Variants in ZC3H8 observed in about 807,000 individuals in gnomAD.
The protein encoded by ZC3H8 is zinc finger CCCH domain-containing protein 8.
In ZC3H8, 27 loss-of-function variants were observed where a neutral mutation model predicts 42.5. The ratio of observed to expected loss-of-function variants is 0.64; its 90% CI spans 0.47 to 0.88. The LOEUF is 0.88. ZC3H8 is among the 40% of genes least tolerant of loss of function. ZC3H8 has a pLI of 0.00. For missense variants in ZC3H8, 277 were observed against 336.1 expected (o/e 0.82, Z 1.37); for synonymous variants, 101 against 110.1 (o/e 0.92, Z 0.52).
intron 4 of ZC3H8, among the ~76,000 whole-genome samples, chr2:112,235,500 C>G (rs1685280005): frequency 6.6e-6 from 1 of 152,166 alleles, no homozygotes; most frequent in Middle Eastern, 3.2e-3. Flanking sequence ...TCAGATTCCT[C>G]ATTCATAAAA....
At chr2:112,234,614 AAC>A (rs1685236358) in intron 4 of ZC3H8, among the ~76,000 whole-genome samples, 2 of 152,278 alleles carry the variant, frequency 1.3e-5, no homozygotes, top group Admixed American at 1.3e-4. Context: ...CAGCCTGGCC[AAC>A]ACAGTGAAAC....
intron 2 of ZC3H8, among the ~76,000 whole-genome samples, chr2:112,245,461 C>T (rs1247711455): frequency 1.3e-5 from 2 of 152,168 alleles, no homozygotes; most frequent in Non-Finnish European, 2.9e-5. Flanking sequence ...CAAGACCAGC[C>T]TAGCCAACAT....
Position 112,231,864 on chromosome 2 carries a change from G to C in ZC3H8, c.817C>G (p.Pro273Ala), listed in dbSNP as rs768598046. ...TTAGCCAACAATTCTTGTGTTTCAG[G>C]AGTCAGTGGAGCATGAGAAAACTTG... ...YCKFSHAPLTPETQELLAKVL... is the reference protein window; with the variant it reads ...YCKFSHAPLTAETQELLAKVL... Residue 273 changes from proline to alanine, a missense_variant, in exon 7 of 9, where the codon CCT (proline) becomes GCT (alanine). Pro to Ala is a conservative substitution (Grantham distance 27, BLOSUM62 -1). Transcript: ENST00000409573. The C allele has an allele frequency of 6.3e-7, 1 of 1,588,454 alleles. No individual in the cohort carries two copies. Among genetic ancestry groups the C allele is most frequent in the Non-Finnish European group, 8.6e-7 (1 of 1,164,448 alleles).
At chr2:112,246,612 C>T (rs374378816) in intron 2 of ZC3H8, among the ~76,000 whole-genome samples, 4 of 152,154 alleles carry the variant, frequency 2.6e-5, no homozygotes, top group East Asian at 1.9e-4. Flanking sequence ...AGAATGAAGA[C>T]GTGACTGAAT....
At position 112,254,896 on chromosome 2, in the gene ZC3H8, A is replaced by C. The variant is rs1319595836; in HGVS notation, c.74+12T>G. 1 of 1,613,044 alleles carries C rather than the reference A, an allele frequency of 6.2e-7. No individual in the cohort carries two copies. The highest frequency in any genetic ancestry group is 8.5e-7 in the Non-Finnish European group (1 of 1,179,508). Reference sequence around the variant, plus strand: ...GCCCCTGCATTCAAAAGATGAAAAGATATGGGATCACCTTTCGTCAGAGTC... The same window carrying C: ...GCCCCTGCATTCAAAAGATGAAAAGCTATGGGATCACCTTTCGTCAGAGTC... On this transcript the variant is annotated intron_variant, in intron 1 of 8. Coordinates refer to ENST00000409573, the MANE Select transcript of ZC3H8 (RefSeq NM_032494.3).
chr2:112,223,370 C>T (rs1684678420), intron 8 of ZC3H8, among the ~76,000 whole-genome samples: 1 of 151,774 alleles, frequency 6.6e-6, no homozygotes, highest in Admixed American at 6.6e-5. Context: ...TCTAGAAACA[C>T]ACAAACAATC....
chr2:112,225,444 C>T (rs1684779731), intron 8 of ZC3H8, among the ~76,000 whole-genome samples: 1 of 152,186 alleles, frequency 6.6e-6, no homozygotes, highest in African/African-American at 2.4e-5. Context: ...TGCTACTGCA[C>T]TCCAGCCTAG....
intron 2 of ZC3H8, among the ~76,000 whole-genome samples, chr2:112,247,569 A>G (rs1045502632): frequency 2.0e-5 from 3 of 152,106 alleles, no homozygotes; most frequent in Non-Finnish European, 2.9e-5. Flanking sequence ...ACAGAGTGAG[A>G]CTCTGTCTCA....
rs1188341901 is a variant in ZC3H8, at chr2:112,212,496, A to AT, written c.*3987dup. ...TAGGTTTGCTTCTTAGTTCACATTT[A>AT]TTAGTTTCCCTTTGGCTGCAGGTAG... On this transcript the variant is annotated 3_prime_UTR_variant, in exon 9 of 9. Coordinates refer to ENST00000409573, the MANE Select transcript of ZC3H8 (RefSeq NM_032494.3). The AT allele has an allele frequency of 6.6e-6, 1 of 152,218 alleles. No homozygotes were observed. The highest frequency in any genetic ancestry group is 1.5e-5 in the Non-Finnish European group (1 of 68,034). The allele number at this position is 152,218 out of a possible 1,614,324, so 9.4% of individuals were successfully genotyped here. A position where few individuals can be genotyped will look rare whatever the true frequency, so the allele number is the denominator to read the frequency against.
intron 7 of ZC3H8, among the ~76,000 whole-genome samples, chr2:112,231,333 T>C (rs756188784): frequency 2.8e-4 from 42 of 152,182 alleles, no homozygotes; most frequent in Admixed American, 1.3e-4. Context: ...TTAGATTAAA[T>C]TTTTAAGAGA....
intron 8 of ZC3H8, among the ~76,000 whole-genome samples, chr2:112,223,184 C>G (rs1275170643): frequency 2.0e-5 from 3 of 151,430 alleles, no homozygotes; most frequent in Non-Finnish European, 2.9e-5. Context: ...GTGCAGCACA[C>G]CAACATGGCA....
chr2:112,212,988 T>TTTTTTTTTTTTTTTTC lies in ZC3H8; in HGVS notation c.*3495_*3496insGAAAAAAAAAAAAAAA, dbSNP rs1553483034. On this transcript the variant is annotated 3_prime_UTR_variant, in exon 9 of 9. Coordinates refer to ENST00000409573, the MANE Select transcript of ZC3H8 (RefSeq NM_032494.3). ...TGCTTTTTTTTTTTTTTTTTTTTTT[T>TTTTTTTTTTTTTTTTC]ATAAGAGACAAGGCTCTGTTGCCCA... The TTTTTTTTTTTTTTTTC allele has an allele frequency of 8.7e-6, 1 of 115,568 alleles. No homozygotes were observed. The highest frequency in any genetic ancestry group is 2.6e-4 in the South Asian group (1 of 3,878). The allele number at this position is 115,568 out of a possible 1,614,324, so 7.2% of individuals were successfully genotyped here.
Position 112,250,211 on chromosome 2 carries a change from A to G in ZC3H8, c.136T>C (p.Cys46Arg). 6.4e-7 allele frequency: 1 copy of G among 1,567,648 alleles called. No individual in the cohort carries two copies. The highest frequency in any genetic ancestry group is 8.7e-7 in the Non-Finnish European group (1 of 1,155,002). Residue 46 changes from cysteine to arginine, a missense_variant, in exon 2 of 9, where the codon TGC becomes CGC. By Grantham distance (180) the Cys-to-Arg change is radical. Transcript: ENST00000409573. ...ETQEEKIKLE[C>R]EQIPKKFRHS... ...CTTACTTTTTTGGGAATTTGCTCGC[A>G]CTCCAGTTTAATTTTCTCTTCTTGT...
At chr2:112,241,733 A>G (rs1414166402) in intron 2 of ZC3H8, among the ~76,000 whole-genome samples, 1 of 152,204 alleles carries the variant, frequency 6.6e-6, no homozygotes, top group East Asian at 1.9e-4. Flanking sequence ...TATGTTCATG[A>G]CCACTGCAAA....
At chr2:112,235,527 A>G (rs1685281346) in intron 4 of ZC3H8, among the ~76,000 whole-genome samples, 1 of 152,188 alleles carries the variant, frequency 6.6e-6, no homozygotes, top group Non-Finnish European at 1.5e-5. Flanking sequence ...GGCAGGGGAC[A>G]GACTGTATAT....
intron 8 of ZC3H8, among the ~76,000 whole-genome samples, chr2:112,225,852 C>T (rs2104647448): frequency 6.6e-6 from 1 of 152,048 alleles, no homozygotes; most frequent in East Asian, 1.9e-4. Flanking sequence ...GAGGCCAAGG[C>T]AAGTGGATCA....
At chr2:112,245,615 A>G (rs1442938242) in intron 2 of ZC3H8, among the ~76,000 whole-genome samples, 1 of 152,154 alleles carries the variant, frequency 6.6e-6, no homozygotes, top group Admixed American at 6.5e-5. Flanking sequence ...GGTAATGCCA[A>G]TGCACTCCAG....
chr2:112,218,614 C>G (rs1259018790), intron 8 of ZC3H8, among the ~76,000 whole-genome samples: 1 of 152,134 alleles, frequency 6.6e-6, no homozygotes, highest in African/African-American at 2.4e-5. Context: ...TATGAATCCA[C>G]TTATATATAG....
intron 7 of ZC3H8, 101 bp from the exon 8 acceptor site, chr2:112,231,051 T>C (rs1267291608): frequency 2.6e-6 from 2 of 766,324 alleles, no homozygotes; most frequent in Non-Finnish European, 3.5e-6. Flanking sequence ...ATCAAATTCA[T>C]CCTAATAATC....
Sources: allele counts gnomAD v4.1 joint callset (sites outside exome capture counted in the v4.1 genomes callset), GRCh38; gene constraint gnomAD v4.1.1; transcripts MANE v1.5; gene names NCBI Gene and HGNC (gene_info 2026-07-23, HGNC 2026-07-21).